CYTH3: variants seen among roughly 807,000 people sequenced by gnomAD.
CYTH3 encodes cytohesin-3.
In CYTH3, 23 loss-of-function variants were observed where a neutral mutation model predicts 55.1. That is an observed-to-expected ratio of 0.42 (90% CI 0.30 to 0.59). The LOEUF (loss-of-function observed/expected upper bound fraction) is 0.59, where lower values mean the gene tolerates loss of function less well. Ranked by LOEUF, CYTH3 falls within the 20% of genes least tolerant of loss-of-function variation. The probability of loss-of-function intolerance (pLI) is 0.20; values close to 1 mark genes in which losing one functional copy is unlikely to be tolerated. For missense variants in CYTH3, 413 were observed against 524.8 expected (o/e 0.79, Z 2.08); for synonymous variants, 249 against 194.9 (o/e 1.28, Z -2.31).
intron 5 of CYTH3, among the ~76,000 whole-genome samples, chr7:6,177,010 TTTAA>T (rs1562879920): frequency 1.3e-5 from 2 of 152,280 alleles, no homozygotes. Flanking sequence ...GATACATTAC[TTTAA>T]TTGACTTGTA....
In CYTH3 at chr7:6,209,853, A is replaced by G. The variant is rs578254671; in HGVS notation, c.35-19322T>C. Among the ~76,000 whole-genome samples, 53 of 152,368 alleles carry G rather than the reference A, an allele frequency of 3.5e-4. No individual in the cohort carries two copies. The South Asian group carries it at 0.011, about 31-fold the overall frequency. On this transcript the variant is annotated intron_variant, in intron 1 of 12. Transcript: ENST00000350796. The stretch of plus-strand genomic sequence containing the variant: ...GTATATGGCTAAGTGAAAGAAGCCA[A>G]TATGAAAAGGCTACATATTGTACAA...
rs1562425468 is a variant in CYTH3 at position 6,272,617 on chromosome 7, C to CGGCCCGGGTCGCGGCCG, written c.-111_-110insCGGCCGCGACCCGGGCC. 1 of 806,258 alleles carries CGGCCCGGGTCGCGGCCG rather than the reference C, an allele frequency of 1.2e-6. No individual in the cohort carries two copies. The highest frequency in any genetic ancestry group is 1.9e-5 in the African/African-American group (1 of 53,284). 49.9% of individuals were successfully genotyped at this position (806,258 alleles called of 1,614,324 possible). ...GGCGACCGGGCGGCTCCTCAGCGCG[C>CGGCCCGGGTCGCGGCCG]GGCCCGGGTCGCGGCCGGGCCTCCT... On this transcript the variant is annotated 5_prime_UTR_variant, in exon 1 of 13. Coordinates refer to ENST00000350796, the MANE Select transcript of CYTH3 (RefSeq NM_004227.4).
At chr7:6,241,625 G>T (rs915850580) in intron 1 of CYTH3, among the ~76,000 whole-genome samples, 1 of 151,510 alleles carries the variant, frequency 6.6e-6, no homozygotes, top group Non-Finnish European at 1.5e-5. Flanking sequence ...ACATAATAGC[G>T]AAAGATTAGA....
chr7:6,271,412 T>C (rs991325340), intron 1 of CYTH3, among the ~76,000 whole-genome samples: 1 of 152,078 alleles, frequency 6.6e-6, no homozygotes, highest in African/African-American at 2.4e-5. Flanking sequence ...AAGATTTCTC[T>C]AAACTGCTCC....
chr7:6,199,069 T>C (rs1428266520), intron 1 of CYTH3, among the ~76,000 whole-genome samples: 1 of 152,148 alleles, frequency 6.6e-6, no homozygotes, highest in Non-Finnish European at 1.5e-5. Context: ...GAAAAAACAA[T>C]GTGGAAAGAA....
At chr7:6,181,291 T>C (rs1464091926) in intron 4 of CYTH3, among the ~76,000 whole-genome samples, 2 of 152,258 alleles carry the variant, frequency 1.3e-5, no homozygotes, top group East Asian at 3.8e-4. Context: ...TAGTCATTTC[T>C]TGTTTTGAGG....
rs960873348 is a variant in CYTH3 at position 6,162,191 on chromosome 7, A to G, written c.*2753T>C. 2 of 152,590 alleles carry G rather than the reference A, an allele frequency of 1.3e-5. No homozygotes were observed. Among genetic ancestry groups the G allele is most frequent in the East Asian group, 1.9e-4 (1 of 5,182 alleles). The allele number at this position is 152,590 out of a possible 1,614,324, so 9.5% of individuals were successfully genotyped here. On this transcript the variant is annotated 3_prime_UTR_variant, in exon 13 of 13. Transcript: ENST00000350796. The stretch of plus-strand genomic sequence containing the variant: ...TGGTACCACATTAAACTGCCCCAAA[A>G]TGTTCTGTGACCCCAAAGACACAAA...
At chr7:6,173,340 G>A (rs557965651) in intron 6 of CYTH3, among the ~76,000 whole-genome samples, 10 of 152,266 alleles carry the variant, frequency 6.6e-5, no homozygotes, top group East Asian at 3.9e-4. Flanking sequence ...CCAACGCCAC[G>A]CCATACAGAG....
At chr7:6,224,776 A>G (rs1206092262) in intron 1 of CYTH3, among the ~76,000 whole-genome samples, 1 of 152,240 alleles carries the variant, frequency 6.6e-6, no homozygotes, top group Non-Finnish European at 1.5e-5. Flanking sequence ...TAGCAGCATG[A>G]TTTACAATAG....
chr7:6,211,769 G>A (rs367913966), intron 1 of CYTH3, among the ~76,000 whole-genome samples: 15 of 152,068 alleles, frequency 9.9e-5, no homozygotes, highest in South Asian at 2.1e-4. Flanking sequence ...AGGCTGAGGC[G>A]GGTGGACCAC....
intron 2 of CYTH3, among the ~76,000 whole-genome samples, chr7:6,189,952 C>T (rs987668605): frequency 3.3e-5 from 5 of 152,020 alleles, no homozygotes; most frequent in African/African-American, 1.2e-4. Context: ...AGGAGAATGG[C>T]GTGAACCCAG....
At chr7:6,235,542 C>A (rs1001687071) in intron 1 of CYTH3, among the ~76,000 whole-genome samples, 22 of 151,858 alleles carry the variant, frequency 1.4e-4, no homozygotes, top group African/African-American at 5.3e-4. Context: ...GTTATTTCCA[C>A]AGCATCCTCA....
chr7:6,218,116 G>A (rs912526645), intron 1 of CYTH3, among the ~76,000 whole-genome samples: 3 of 151,116 alleles, frequency 2.0e-5, no homozygotes, highest in Non-Finnish European at 4.4e-5. Flanking sequence ...GAGGTGGGAG[G>A]TTGCAGTGAG....
chr7:6,167,099 C>T lies in CYTH3; in HGVS notation c.824-1289G>A, dbSNP rs964853290. On this transcript the variant is annotated intron_variant, in intron 9 of 12. Coordinates refer to ENST00000350796, the MANE Select transcript of CYTH3 (RefSeq NM_004227.4). This position sits in a 1 kb window ranked among gnomAD's most constrained non-coding sequence, Gnocchi z 5.5. ...GGAACCCTCTGCCCCAACTGTGGCA[C>T]CGCCTCACTGGTCCCCTTTAAGACC... Among the ~76,000 whole-genome samples, 2 of 152,212 alleles carry T rather than the reference C, an allele frequency of 1.3e-5. No homozygotes were observed. The highest frequency in any genetic ancestry group is 2.9e-5 in the Non-Finnish European group (2 of 68,028).
chr7:6,171,388 C>A lies in CYTH3; in HGVS notation c.450-74G>T. 1 of 1,445,280 alleles carries A rather than the reference C, an allele frequency of 6.9e-7. No individual in the cohort carries two copies. The highest frequency in any genetic ancestry group is 9.7e-7 in the Non-Finnish European group (1 of 1,034,018). The allele number at this position is 1,445,280 out of a possible 1,614,324, so 89.5% of individuals were successfully genotyped here. ...CTCACGGCCAAGGGCGGCTTCTGCC[C>A]AGCTCAGGAAGGACGTTTTCCTCCC... On this transcript the variant is annotated intron_variant, in intron 6 of 12. Transcript: ENST00000350796. This position sits in a 1 kb window ranked among gnomAD's most constrained non-coding sequence, Gnocchi z 6.7.
In CYTH3 at chr7:6,272,609, T is replaced by G. The variant is rs1228344527; in HGVS notation, c.-102A>C. ...AGCGCGCAGGCGACCGGGCGGCTCC[T>G]CAGCGCGCGGCCCGGGTCGCGGCCG... is the stretch of plus-strand genomic sequence containing the variant. On this transcript the variant is annotated 5_prime_UTR_variant, in exon 1 of 13. Coordinates refer to ENST00000350796, the MANE Select transcript of CYTH3 (RefSeq NM_004227.4). 1 of 911,306 alleles carries G rather than the reference T, an allele frequency of 1.1e-6. No individual in the cohort carries two copies. The highest frequency in any genetic ancestry group is 1.3e-6 in the Non-Finnish European group (1 of 743,986). 56.5% of individuals were successfully genotyped at this position (911,306 alleles called of 1,614,324 possible).
chr7:6,258,501 T>C (rs1467112792), intron 1 of CYTH3, among the ~76,000 whole-genome samples: 1 of 152,192 alleles, frequency 6.6e-6, no homozygotes, highest in Non-Finnish European at 1.5e-5. Context: ...ATTTAAGATA[T>C]AGCCCTTTGT....
chr7:6,259,298 G>T (rs892403580), intron 1 of CYTH3, among the ~76,000 whole-genome samples: 4 of 152,124 alleles, frequency 2.6e-5, no homozygotes, highest in African/African-American at 9.7e-5. Context: ...ACAGACATAA[G>T]TTTTTCAAAA....
rs1783142810 is a variant in CYTH3 at position 6,170,414 on chromosome 7, T to C, written c.823+121A>G. The C allele has an allele frequency of 2.2e-6, 2 of 927,780 alleles. No individual in the cohort carries two copies. The highest frequency in any genetic ancestry group is 1.7e-5 in the African/African-American group (1 of 59,824). The allele number at this position is 927,780 out of a possible 1,614,324, so 57.5% of individuals were successfully genotyped here. On this transcript the variant is annotated intron_variant, in intron 9 of 12. Transcript: ENST00000350796. The surrounding 1 kb of genome is among the most constrained non-coding windows in gnomAD (Gnocchi z 7.8). ...AGAGCGGGCTCTGGCTTAACCGCGT[T>C]TCTTTTTAACGTCTCTGCCTGCGGT...
Sources: allele counts gnomAD v4.1 joint callset (sites outside exome capture counted in the v4.1 genomes callset), GRCh38; gene constraint gnomAD v4.1.1; non-coding constraint Gnocchi (gnomAD v3.1); transcripts MANE v1.5; gene names NCBI Gene and HGNC (gene_info 2026-07-23, HGNC 2026-07-21).